The following ILRUN variants were observed in gnomAD, a reference collection of about 807,000 sequenced individuals.
ILRUN encodes the protein protein ILRUN.
ILRUN carries 3 observed loss-of-function variants against 33.8 expected under a neutral mutation model. The observed-to-expected ratio is 0.09, with a 90% confidence interval of 0.04 to 0.23. The LOEUF is 0.23. Among genes scored for constraint, ILRUN ranks in the 10% least tolerant of loss-of-function variants. The pLI is 1.00. For missense variants in ILRUN, 210 were observed against 375.1 expected (o/e 0.56, Z 3.64); for synonymous variants, 124 against 138.9 (o/e 0.89, Z 0.75).
intron 3 of ILRUN, among the ~76,000 whole-genome samples, chr6:34,623,663 AG>A (rs1762054566): frequency 6.6e-6 from 1 of 152,248 alleles, no homozygotes; most frequent in African/African-American, 2.4e-5. Context: ...TCAAAATGAT[AG>A]CTACAGTACA....
At chr6:34,682,480 G>T (rs1263494006) in intron 1 of ILRUN, among the ~76,000 whole-genome samples, 1 of 150,988 alleles carries the variant, frequency 6.6e-6, no homozygotes, top group Admixed American at 6.6e-5. Flanking sequence ...GGACGGTCTC[G>T]ATCTCCTGAC....
intron 1 of ILRUN, among the ~76,000 whole-genome samples, chr6:34,672,700 C>T (rs188035298): frequency 6.2e-4 from 94 of 152,064 alleles, no homozygotes; most frequent in African/African-American, 2.1e-3. Flanking sequence ...ACAAAGCAAA[C>T]ATTTTGTCAA....
At chr6:34,603,263 A>C (rs1298873931) in intron 4 of ILRUN, among the ~76,000 whole-genome samples, 1 of 152,220 alleles carries the variant, frequency 6.6e-6, no homozygotes. Flanking sequence ...CTGTAATCCC[A>C]GCACTTTGGG....
intron 4 of ILRUN, among the ~76,000 whole-genome samples, chr6:34,593,788 C>T (rs991729032): frequency 6.6e-6 from 1 of 152,120 alleles, no homozygotes; most frequent in South Asian, 2.1e-4. Context: ...AGCTATTTTA[C>T]GATCTAGACT....
intron 3 of ILRUN, among the ~76,000 whole-genome samples, chr6:34,635,683 C>T (rs1165444296): frequency 1.4e-5 from 2 of 140,516 alleles, no homozygotes; most frequent in African/African-American, 5.4e-5. Context: ...GGCGCGATTT[C>T]GCCTCACTGC....
intron 1 of ILRUN, among the ~76,000 whole-genome samples, chr6:34,680,791 C>T (rs1353009510): frequency 6.6e-6 from 1 of 151,332 alleles, no homozygotes; most frequent in Middle Eastern, 3.2e-3. Context: ...TGCCAACATT[C>T]GGATCCTAAC....
At chr6:34,595,947 C>A (rs761528572) in intron 4 of ILRUN, 5 of 981,128 alleles carry the variant, frequency 5.1e-6, no homozygotes, top group Non-Finnish European at 6.1e-6. Context: ...CACTTATGTA[C>A]ACTGAATGCA....
intron 2 of ILRUN, among the ~76,000 whole-genome samples, chr6:34,651,196 C>T (rs1762661151): frequency 6.6e-6 from 1 of 152,228 alleles, no homozygotes; most frequent in Admixed American, 6.5e-5. Context: ...GGGACAACTT[C>T]CAGAAGAGAA....
At chr6:34,615,837 A>G (rs1761878263) in intron 3 of ILRUN, among the ~76,000 whole-genome samples, 1 of 152,186 alleles carries the variant, frequency 6.6e-6, no homozygotes, top group Admixed American at 6.5e-5. Context: ...GTAGAGCATT[A>G]CAGATCAGTT....
At position 34,606,695 on chromosome 6, in the gene ILRUN, T is replaced by C; in HGVS notation, c.721A>G (p.Asn241Asp). ...GGSEFDSISK[N>D]TWAPAPDTWA... ...GTGTCAGGAGCAGGAGCCCATGTGTTTTTGCTGATCGAGTCGAACTCGGAG... is the reference window on the plus strand; with the variant it reads ...GTGTCAGGAGCAGGAGCCCATGTGTCTTTGCTGATCGAGTCGAACTCGGAG... The change falls in exon 4 of 5, where the codon AAC (asparagine) becomes GAC (aspartate). Residue 241 changes from asparagine (N) to aspartate (D), a missense_variant. Asn to Asp is a conservative substitution (Grantham distance 23). Coordinates refer to ENST00000374023, the MANE Select transcript of ILRUN (RefSeq NM_024294.4). The C allele has an allele frequency of 6.2e-7, 1 of 1,614,144 alleles. No individual in the cohort carries two copies. The highest frequency in any genetic ancestry group is 8.5e-7 in the Non-Finnish European group (1 of 1,180,014).
At chr6:34,696,341 T>G in intron 1 of ILRUN, 105 bp downstream of exon 1, 14 of 1,264,622 alleles carry the variant, frequency 1.1e-5, no homozygotes, top group Non-Finnish European at 1.3e-5. Context: ...GGGGTGGCCC[T>G]CAGTACCCGC....
At chr6:34,608,834 A>C (rs1182197041) in intron 3 of ILRUN, among the ~76,000 whole-genome samples, 1 of 152,256 alleles carries the variant, frequency 6.6e-6, no homozygotes, top group Non-Finnish European at 1.5e-5. Context: ...TGCCAAAGCT[A>C]AGGGTTCAAA....
rs1762572320 is a variant in ILRUN, at chr6:34,646,859, T to G, written c.314-61A>C. 5 of 1,511,834 alleles carry G rather than the reference T, an allele frequency of 3.3e-6. No homozygotes were observed. Among genetic ancestry groups the G allele is most frequent in the Admixed American group, 3.4e-5 (2 of 59,150 alleles). 93.7% of individuals were successfully genotyped at this position (1,511,834 alleles called of 1,614,324 possible). A position where few individuals can be genotyped will look rare whatever the true frequency, so the allele number is the denominator to read the frequency against. ...CAATGGTCCTATGCTGGGTGCAGTT[T>G]ATTATGAAACTGTAGAAGAGGCCTC... On this transcript the variant is annotated intron_variant, in intron 2 of 4. Transcript: ENST00000374023. This position sits in a 1 kb window ranked among gnomAD's most constrained non-coding sequence, Gnocchi z 4.9.
rs544579176 is a variant in ILRUN, at chr6:34,617,048, C to A, written c.512-10144G>T. ...AGACAACACTTTGATTGCTCGACCTCTTGGTAAATATGGCATCACCTGCAT... is the reference window on the plus strand; with the variant it reads ...AGACAACACTTTGATTGCTCGACCTATTGGTAAATATGGCATCACCTGCAT... On this transcript the variant is annotated intron_variant, in intron 3 of 4. Transcript: ENST00000374023. 902 of 530,304 alleles carry A rather than the reference C, an allele frequency of 1.7e-3. 3 individuals are homozygous for A. The Middle Eastern group carries it at 0.02, about 11-fold the overall frequency. 32.8% of individuals were successfully genotyped at this position (530,304 alleles called of 1,614,324 possible).
chr6:34,632,906 G>T (rs1180140252), intron 3 of ILRUN, among the ~76,000 whole-genome samples: 1 of 152,030 alleles, frequency 6.6e-6, no homozygotes, highest in Non-Finnish European at 1.5e-5. Flanking sequence ...TCAACTAAGA[G>T]AACAAAACAT....
Position 34,659,890 on chromosome 6 carries a change from G to T in ILRUN, c.159-5111C>A, listed in dbSNP as rs549305734. On this transcript the variant is annotated intron_variant, in intron 1 of 4. Coordinates refer to ENST00000374023, the MANE Select transcript of ILRUN (RefSeq NM_024294.4). ...CCCGCTTTGGCCTCCCAAAGTGCTGGGATTACAGGTGTGACCCACCACGCC... is the reference window on the plus strand; with the variant it reads ...CCCGCTTTGGCCTCCCAAAGTGCTGTGATTACAGGTGTGACCCACCACGCC... Among the ~76,000 whole-genome samples, 109 of 151,738 alleles carry T rather than the reference G, an allele frequency of 7.2e-4. 1 individual carries two copies. Among genetic ancestry groups the T allele is most frequent in the South Asian group, 1.5e-3 (7 of 4,810 alleles).
chr6:34,610,772 A>C (rs1761731817), intron 3 of ILRUN, among the ~76,000 whole-genome samples: 2 of 152,222 alleles, frequency 1.3e-5, no homozygotes, highest in Admixed American at 6.5e-5. Flanking sequence ...TACATGATAG[A>C]TTTGGCACAC....
At position 34,589,810 on chromosome 6, in the gene ILRUN, C is replaced by A. The variant is rs371052711; in HGVS notation, c.*755G>T. Reference sequence around the variant, plus strand: ...CAGGCTTAGAAAATCCCACGTCACCCGAGATCTATCCTCAAGGCTTCCTCT... The same window carrying A: ...CAGGCTTAGAAAATCCCACGTCACCAGAGATCTATCCTCAAGGCTTCCTCT... On this transcript the variant is annotated 3_prime_UTR_variant, in exon 5 of 5. Transcript: ENST00000374023. 1 of 152,238 alleles carries A rather than the reference C, an allele frequency of 6.6e-6. No individual in the cohort carries two copies. The highest frequency in any genetic ancestry group is 1.9e-4 in the East Asian group (1 of 5,180). 9.4% of individuals were successfully genotyped at this position (152,238 alleles called of 1,614,324 possible). A position where few individuals can be genotyped will look rare whatever the true frequency, so the allele number is the denominator to read the frequency against.
intron 3 of ILRUN, among the ~76,000 whole-genome samples, chr6:34,633,835 A>AGAGGG (rs948184181): frequency 6.0e-5 from 8 of 132,624 alleles, no homozygotes; most frequent in Admixed American, 4.8e-4. Context: ...GAATAGGAAG[A>AGAGGG]GAGGGGAGGG....
Sources: gnomAD v4.1 joint callset for allele counts (sites outside exome capture counted in the v4.1 genomes callset) on GRCh38, gnomAD v4.1.1 for gene constraint, Gnocchi (gnomAD v3.1) non-coding constraint, MANE v1.5 for transcripts, NCBI Gene and HGNC (gene_info 2026-07-23, HGNC 2026-07-21) for gene names.